MED12L: variants seen among roughly 807,000 people sequenced by gnomAD.
MED12L encodes mediator complex subunit 12L.
A neutral mutation model predicts 281.3 loss-of-function variants in MED12L; 60 were observed. The observed-to-expected ratio is 0.21, with a 90% confidence interval of 0.17 to 0.26. MED12L has a LOEUF of 0.26. MED12L is among the 10% of genes least tolerant of loss of function. The pLI is 1.00. For missense variants in MED12L, 2,146 were observed against 2,680.9 expected (o/e 0.80, Z 4.41); for synonymous variants, 974 against 987.2 (o/e 0.99, Z 0.25).
At chr3:151,189,537 A>G (rs1411369650) in intron 13 of MED12L, among the ~76,000 whole-genome samples, 1 of 152,190 alleles carries the variant, frequency 6.6e-6, no homozygotes. Flanking sequence ...TCTCTTTAGG[A>G]AAAACTCCTT....
chr3:151,159,354 C>T (rs1202826903), intron 7 of MED12L, among the ~76,000 whole-genome samples: 2 of 152,136 alleles, frequency 1.3e-5, no homozygotes, highest in Non-Finnish European at 2.9e-5. Context: ...CACTCTCATA[C>T]CCTCCCCACA....
intron 16 of MED12L, among the ~76,000 whole-genome samples, chr3:151,230,723 A>G (rs76295452): frequency 6.6e-6 from 1 of 152,198 alleles, no homozygotes; most frequent in Non-Finnish European, 1.5e-5. Flanking sequence ...AATAAAAAAA[A>G]GTAATAAAAT....
intron 16 of MED12L, among the ~76,000 whole-genome samples, chr3:151,211,596 T>A (rs968622682): frequency 6.6e-6 from 1 of 152,196 alleles, no homozygotes; most frequent in Admixed American, 6.5e-5. Flanking sequence ...TTTAGGGTAT[T>A]TTTTTCTGAG....
At chr3:151,250,094 CTTGTTGGAAA>C (rs1442623169) in intron 16 of MED12L, among the ~76,000 whole-genome samples, 1 of 152,150 alleles carries the variant, frequency 6.6e-6, no homozygotes, top group Non-Finnish European at 1.5e-5. Context: ...CTTATCCAAA[CTTGTTGGAAA>C]TGGTCTGCGT....
At position 151,114,811 on chromosome 3, in the gene MED12L, G is replaced by A. The variant is rs1712477026; in HGVS notation, c.100-1527G>A. On this transcript the variant is annotated intron_variant, in intron 2 of 44. Transcript: ENST00000687756. ...GTTATTTTTGATGTGTTGTGACCTT[G>A]GAAAAGTATTCCTGTATCTATCCAG... Among the ~76,000 whole-genome samples, 2 of 150,530 alleles carry A rather than the reference G, an allele frequency of 1.3e-5. 1 individual carries two copies. The highest frequency in any genetic ancestry group is 4.2e-4 in the South Asian group (2 of 4,750).
chr3:151,168,907 C>T (rs1721043808), intron 11 of MED12L, among the ~76,000 whole-genome samples: 1 of 152,022 alleles, frequency 6.6e-6, no homozygotes, highest in Admixed American at 6.6e-5. Flanking sequence ...TCTCAAACTC[C>T]TTGCCTCAAG....
At chr3:151,182,009 A>C (rs1158127923) in intron 11 of MED12L, among the ~76,000 whole-genome samples, 3 of 152,230 alleles carry the variant, frequency 2.0e-5, no homozygotes, top group Non-Finnish European at 4.4e-5. Context: ...GAACATTTTA[A>C]TTTAGCTAAA....
intron 16 of MED12L, among the ~76,000 whole-genome samples, chr3:151,286,872 A>G (rs903805460): frequency 3.3e-5 from 5 of 152,204 alleles, no homozygotes; most frequent in African/African-American, 1.2e-4. Flanking sequence ...TCGAAAGTGT[A>G]TGATTGATTG....
At chr3:151,154,817 G>A (rs894272352) in intron 5 of MED12L, among the ~76,000 whole-genome samples, 1 of 152,208 alleles carries the variant, frequency 6.6e-6, no homozygotes, top group Non-Finnish European at 1.5e-5. Context: ...TGATGACATA[G>A]ATAGTTTACT....
At chr3:151,328,513 C>T in intron 16 of MED12L, 1 of 1,613,960 alleles carries the variant, frequency 6.2e-7, no homozygotes, top group Non-Finnish European at 8.5e-7. Context: ...CCTTGTTGCT[C>T]AAGATCGTAT....
At chr3:151,271,863 G>A (rs1352665078) in intron 16 of MED12L, among the ~76,000 whole-genome samples, 3 of 152,178 alleles carry the variant, frequency 2.0e-5, no homozygotes. Flanking sequence ...AGATGGCTGT[G>A]CCTAGAAAAG....
chr3:151,274,390 C>T (rs1047701946), intron 16 of MED12L, among the ~76,000 whole-genome samples: 3 of 152,150 alleles, frequency 2.0e-5, no homozygotes, highest in African/African-American at 7.2e-5. Flanking sequence ...CATATCCTCC[C>T]TCTTCCTTTT....
intron 16 of MED12L, among the ~76,000 whole-genome samples, chr3:151,308,923 C>A (rs552288339): frequency 6.6e-6 from 1 of 152,138 alleles, no homozygotes; most frequent in Non-Finnish European, 1.5e-5. Flanking sequence ...ACTTCAATTT[C>A]ATCACTTGTC....
At chr3:151,294,466 C>T in intron 16 of MED12L, 1 of 1,614,146 alleles carries the variant, frequency 6.2e-7, no homozygotes, top group Non-Finnish European at 8.5e-7. Flanking sequence ...AGGTAAAAAA[C>T]ACAGCCACAA....
At chr3:151,149,827 G>GA (rs1475344147) in intron 5 of MED12L, among the ~76,000 whole-genome samples, 1 of 152,194 alleles carries the variant, frequency 6.6e-6, no homozygotes, top group Non-Finnish European at 1.5e-5. Context: ...GATTCCATCT[G>GA]AAGAAACCAC....
intron 16 of MED12L, among the ~76,000 whole-genome samples, chr3:151,201,242 C>G (rs950667282): frequency 3.3e-5 from 5 of 152,144 alleles, no homozygotes; most frequent in African/African-American, 9.7e-5. Context: ...CTCTCTCTCT[C>G]TCTCACACGC....
At chr3:151,389,540 A>G (rs1713906374) in intron 37 of MED12L, among the ~76,000 whole-genome samples, 1 of 152,176 alleles carries the variant, frequency 6.6e-6, no homozygotes. Context: ...TGCAAGTGAA[A>G]TACCATCTTG....
chr3:151,349,192 T>C (rs1470078658), intron 16 of MED12L, among the ~76,000 whole-genome samples: 1 of 152,210 alleles, frequency 6.6e-6, no homozygotes. Context: ...GGCTGAGGAA[T>C]GTGTTCAGTG....
At chr3:151,173,219 AC>A (rs1560119289) in intron 11 of MED12L, among the ~76,000 whole-genome samples, 1 of 151,862 alleles carries the variant, frequency 6.6e-6, no homozygotes, top group African/African-American at 2.4e-5. Context: ...AAAATCTTTT[AC>A]TTTTTTGACA....
Sources: gnomAD v4.1 joint callset for allele counts (sites outside exome capture counted in the v4.1 genomes callset) on GRCh38, gnomAD v4.1.1 for gene constraint, MANE v1.5 for transcripts, NCBI Gene and HGNC (gene_info 2026-07-23, HGNC 2026-07-21) for gene names.